Variants in ATP8B2 observed in about 807,000 individuals in gnomAD.
The protein encoded by ATP8B2 is ATPase phospholipid transporting 8B2, also known as phospholipid-transporting ATPase ID.
Under a neutral mutation model 133.4 loss-of-function variants are expected in ATP8B2, and 70 were observed. The ratio of observed to expected loss-of-function variants is 0.52; its 90% CI spans 0.43 to 0.64. The LOEUF (loss-of-function observed/expected upper bound fraction) is 0.64. Ranked by LOEUF, ATP8B2 falls within the 30% of genes least tolerant of loss-of-function variation. ATP8B2 has a pLI of 0.00. For synonymous variants in ATP8B2, 517 were observed against 589.5 expected (o/e 0.88, Z 1.78); for missense variants, 1,101 against 1,535.7 (o/e 0.72, Z 4.73).
intron 1 of ATP8B2, among the ~76,000 whole-genome samples, chr1:154,326,069 A>C (rs1447802712): frequency 6.6e-6 from 1 of 151,926 alleles, no homozygotes; most frequent in Non-Finnish European, 1.5e-5. Flanking sequence ...CCGGGACCCG[A>C]GGGTTTGGTG....
intron 11 of ATP8B2, among the ~76,000 whole-genome samples, chr1:154,336,829 C>G (rs528736743): frequency 7.2e-6 from 1 of 138,838 alleles, no homozygotes; most frequent in South Asian, 2.5e-4. Flanking sequence ...GGTTCTTGCT[C>G]TGTTGCCCAG....
intron 1 of ATP8B2, 116 bp from the exon 2 acceptor site, chr1:154,327,989 G>A: frequency 1.3e-6 from 2 of 1,505,782 alleles, no homozygotes; most frequent in South Asian, 1.1e-5. Flanking sequence ...GGGAGAAGGA[G>A]GCTGGGGGAG....
In ATP8B2 at chr1:154,332,609, T is replaced by C. The variant is rs948909566; in HGVS notation, c.510-9T>C. 6.3e-7 allele frequency: 1 copy of C among 1,579,306 alleles called. No individual in the cohort carries two copies. Among genetic ancestry groups the C allele is most frequent in the Middle Eastern group, 1.7e-4 (1 of 6,028 alleles). On this transcript the variant is annotated splice_polypyrimidine_tract_variant and intron_variant, in intron 8 of 27. Transcript: ENST00000368489. ...AGGGAGCGGGGACTCAGAGATACTGTCCTTCCAGCGAGACCAACATGAAAG... is the reference window on the plus strand; with the variant it reads ...AGGGAGCGGGGACTCAGAGATACTGCCCTTCCAGCGAGACCAACATGAAAG...
chr1:154,342,760 T>C (rs909724132), intron 14 of ATP8B2, 36 bp from the exon 15 acceptor site: 1 of 1,607,710 alleles, frequency 6.2e-7, no homozygotes, highest in Non-Finnish European at 8.5e-7. Context: ...AGCCTGGCAC[T>C]CTAGCCTTTC....
Position 154,328,566 on chromosome 1 carries a change from G to A in ATP8B2, c.31+394G>A, listed in dbSNP as rs1685869718. On this transcript the variant is annotated intron_variant, in intron 2 of 27. Transcript: ENST00000368489. This position sits in a 1 kb window ranked among gnomAD's most constrained non-coding sequence, Gnocchi z 4.6. ...GGGGTGTGTGTGTGTGAAAGCGGTT[G>A]CCCCCGACAACGCCGGCAGTCCGCT... 6.6e-6 allele frequency among the ~76,000 whole-genome samples: 1 copy of A among 152,108 alleles called. No homozygotes were observed. Among genetic ancestry groups the A allele is most frequent in the South Asian group, 2.1e-4 (1 of 4,830 alleles).
intron 13 of ATP8B2, 107 bp downstream of exon 13, chr1:154,341,169 G>A (rs982889748): frequency 8.6e-7 from 1 of 1,163,600 alleles, no homozygotes; most frequent in Non-Finnish European, 1.2e-6. Context: ...CTTCCTAGTT[G>A]GGTCTGAGGG....
In ATP8B2 at chr1:154,346,657, A is replaced by G. The variant is rs1686595269; in HGVS notation, c.3062A>G (p.His1021Arg). Residue 1021 changes from histidine (H) to arginine (R), a missense_variant, in exon 26 of 28, where the codon CAC becomes CGC. Transcript: ENST00000368489. The surrounding 1 kb of genome is among the most constrained non-coding windows in gnomAD (Gnocchi z 4.5). ...LDTGYWTAIN[H>R]FFIWGSLAVY... is the part of the protein sequence containing the mutation. Reference sequence around the variant, plus strand: ...ACAGGCTACTGGACGGCCATCAACCACTTCTTCATCTGGGGAAGCCTTGCT... The same window carrying G: ...ACAGGCTACTGGACGGCCATCAACCGCTTCTTCATCTGGGGAAGCCTTGCT... 6.2e-7 allele frequency: 1 copy of G among 1,613,988 alleles called. No homozygotes were observed. The highest frequency in any genetic ancestry group is 1.7e-5 in the Admixed American group (1 of 59,986).
chr1:154,340,142 T>G lies in ATP8B2; in HGVS notation c.1035-712T>G, dbSNP rs1279366234. ...CTACAGTGAGCTATGATTACACTACTGCACTCCAGCTTGGGTGACAGAGAC... is the reference window on the plus strand; with the variant it reads ...CTACAGTGAGCTATGATTACACTACGGCACTCCAGCTTGGGTGACAGAGAC... On this transcript the variant is annotated intron_variant, in intron 12 of 27. Coordinates refer to ENST00000368489, the MANE Select transcript of ATP8B2 (RefSeq NM_001370597.1). The surrounding 1 kb of genome is among the most constrained non-coding windows in gnomAD (Gnocchi z 4.0). Among the ~76,000 whole-genome samples the G allele has an allele frequency of 6.6e-6, 1 of 152,140 alleles. No homozygotes were observed. Among genetic ancestry groups the G allele is most frequent in the Non-Finnish European group, 1.5e-5 (1 of 68,012 alleles).
At position 154,343,710 on chromosome 1, in the gene ATP8B2, GT is replaced by G. The variant is rs1686467402; in HGVS notation, c.1758+143del. The G allele has an allele frequency of 2.0e-6, 2 of 994,376 alleles. No individual in the cohort carries two copies. Among genetic ancestry groups the G allele is most frequent in the Non-Finnish European group, 3.0e-6 (2 of 673,054 alleles). The allele number at this position is 994,376 out of a possible 1,614,324, so 61.6% of individuals were successfully genotyped here. A position where few individuals can be genotyped will look rare whatever the true frequency, so the allele number is the denominator to read the frequency against. Reference sequence around the variant, plus strand: ...TATATATAGTGAAGTGATTACTACAGTCAGACAACTTAACACATCAGCCAGC... The same window carrying G: ...TATATATAGTGAAGTGATTACTACAGCAGACAACTTAACACATCAGCCAGC... On this transcript the variant is annotated intron_variant, in intron 17 of 27. Coordinates refer to ENST00000368489, the MANE Select transcript of ATP8B2 (RefSeq NM_001370597.1). This position sits in a 1 kb window ranked among gnomAD's most constrained non-coding sequence, Gnocchi z 5.8.
rs41308375 is a variant in ATP8B2, at chr1:154,348,906, C to T, written c.3361C>T (p.Arg1121Cys). Reference sequence around the variant, plus strand: ...GCACCGCTGCATGCGGCGGGTTGGCCGCACTGGCTCCCGGCGCTCCGGCTA... The same window carrying T: ...GCACCGCTGCATGCGGCGGGTTGGCTGCACTGGCTCCCGGCGCTCCGGCTA... ...AQHRCMRRVG[R>C]TGSRRSGYAF... is the part of the protein sequence containing the mutation. The change falls in exon 28 of 28, where the codon CGC becomes TGC. Residue 1121 changes from arginine to cysteine, a missense_variant. By Grantham distance (180) the Arg-to-Cys change is radical. Coordinates refer to ENST00000368489, the MANE Select transcript of ATP8B2 (RefSeq NM_001370597.1). 3,593 of 1,613,824 alleles carry T rather than the reference C, an allele frequency of 2.2e-3. 41 individuals are homozygous for T. In the East Asian group the frequency reaches 0.024, roughly 11 times the overall value.
intron 8 of ATP8B2, 92 bp from the exon 9 acceptor site, chr1:154,332,526 C>G: frequency 9.7e-7 from 1 of 1,034,168 alleles, no homozygotes; most frequent in Non-Finnish European, 1.5e-6. Context: ...CGACTGCACT[C>G]CAGCCTGAGC....
rs78350897 is a variant in ATP8B2, at chr1:154,332,592, G to A, written c.510-26G>A. 2.2e-3 allele frequency: 3,416 copies of A among 1,545,458 alleles called. 66 individuals are homozygous for A. In the African/African-American group the frequency reaches 0.042, roughly 19 times the overall value. On this transcript the variant is annotated intron_variant, in intron 8 of 27. Transcript: ENST00000368489. ...ACATTTAGAGGATGAGGAGGGAGCG[G>A]GGACTCAGAGATACTGTCCTTCCAG...
In ATP8B2 at chr1:154,331,738, A is replaced by G; in HGVS notation, c.438+60A>G. On this transcript the variant is annotated intron_variant, in intron 7 of 27. Transcript: ENST00000368489. The surrounding 1 kb of genome is among the most constrained non-coding windows in gnomAD (Gnocchi z 4.8). ...TCTTCCTCTTCTTTGTGAGAAAAGG[A>G]TGAATCTTTCCTGATTTACTGTTGC... is the stretch of plus-strand genomic sequence containing the variant. 6.5e-7 allele frequency: 1 copy of G among 1,548,418 alleles called. No individual in the cohort carries two copies. The highest frequency in any genetic ancestry group is 8.9e-7 in the Non-Finnish European group (1 of 1,120,232).
intron 1 of ATP8B2, among the ~76,000 whole-genome samples, chr1:154,326,196 G>C (rs1685782814): frequency 6.6e-6 from 1 of 152,094 alleles, no homozygotes; most frequent in African/African-American, 2.4e-5. Flanking sequence ...TAGCTGTGCC[G>C]GGAGCCCTGA....
In ATP8B2 at chr1:154,328,004, A is replaced by G; in HGVS notation, c.-37-101A>G. The G allele has an allele frequency of 8.6e-6, 13 of 1,504,694 alleles. No homozygotes were observed. Among genetic ancestry groups the G allele is most frequent in the South Asian group, 3.4e-5 (3 of 88,744 alleles). The allele number at this position is 1,504,694 out of a possible 1,614,324, so 93.2% of individuals were successfully genotyped here. ...GGGAGAAGGAGGCTGGGGGAGGGGC[A>G]GGGTCAGAGCTGGAGAAGAGGGTCT... On this transcript the variant is annotated intron_variant, in intron 1 of 27. Transcript: ENST00000368489. The surrounding 1 kb of genome is among the most constrained non-coding windows in gnomAD (Gnocchi z 4.6).
At chr1:154,326,643 C>G (rs779744649) in intron 1 of ATP8B2, among the ~76,000 whole-genome samples, 1 of 152,212 alleles carries the variant, frequency 6.6e-6, no homozygotes, top group Non-Finnish European at 1.5e-5. Context: ...CCAGTCTCCC[C>G]AGGGTCTCAG....
chr1:154,340,438 G>A lies in ATP8B2; in HGVS notation c.1035-416G>A. 1 of 183,696 alleles carries A rather than the reference G, an allele frequency of 5.4e-6. No homozygotes were observed. Among genetic ancestry groups the A allele is most frequent in the Non-Finnish European group, 1.3e-5 (1 of 78,272 alleles). 11.4% of individuals were successfully genotyped at this position (183,696 alleles called of 1,614,324 possible). A position where few individuals can be genotyped will look rare whatever the true frequency, so the allele number is the denominator to read the frequency against. The stretch of plus-strand genomic sequence containing the variant: ...TCTTTGAGGTGGCGTCTGTGTTGCT[G>A]TGGCATGCACAGCACCCTCATTATT... On this transcript the variant is annotated intron_variant, in intron 12 of 27. Coordinates refer to ENST00000368489, the MANE Select transcript of ATP8B2 (RefSeq NM_001370597.1). This position sits in a 1 kb window ranked among gnomAD's most constrained non-coding sequence, Gnocchi z 4.0.
chr1:154,337,045 G>A (rs917915128), intron 11 of ATP8B2, among the ~76,000 whole-genome samples: 2 of 151,444 alleles, frequency 1.3e-5, no homozygotes, highest in African/African-American at 4.9e-5. Flanking sequence ...TGATCCATCC[G>A]CCTCAACCTC....
chr1:154,337,575 C>T, intron 12 of ATP8B2, 31 bp downstream of exon 12: 1 of 1,614,132 alleles, frequency 6.2e-7, no homozygotes, highest in Non-Finnish European at 8.5e-7. Flanking sequence ...GGGGTCTCTC[C>T]AGGGAGTCAG....
Sources: allele counts gnomAD v4.1 joint callset (sites outside exome capture counted in the v4.1 genomes callset), GRCh38; gene constraint gnomAD v4.1.1; non-coding constraint Gnocchi (gnomAD v3.1); transcripts MANE v1.5; gene names NCBI Gene and HGNC (gene_info 2026-07-23, HGNC 2026-07-21).